Variants in CAP2 observed in about 807,000 individuals in gnomAD.
CAP2 encodes the protein cyclase associated actin cytoskeleton regulatory protein 2, also known as adenylyl cyclase-associated protein 2.
Under a neutral mutation model 57.7 loss-of-function variants are expected in CAP2, and 24 were observed. The observed-to-expected ratio is 0.42, with a 90% CI of 0.30 to 0.58. The LOEUF (loss-of-function observed/expected upper bound fraction) is 0.58, where lower values mean the gene tolerates loss of function less well. Among genes scored for constraint, CAP2 ranks in the 20% least tolerant of loss-of-function variants. The pLI, the probability that CAP2 is intolerant of heterozygous loss-of-function variation, is 0.22. For missense variants in CAP2, 501 were observed against 590.3 expected, an observed-to-expected ratio of 0.85 and a Z score of 1.57; for synonymous variants, 194 against 207.2, an observed-to-expected ratio of 0.94 and a Z score of 0.55.
chr6:17,547,103 A>G (rs1763065276), intron 11 of CAP2, among the ~76,000 whole-genome samples: 1 of 152,336 alleles, frequency 6.6e-6, no homozygotes, highest in Non-Finnish European at 1.5e-5. Flanking sequence ...AGAATAAAAT[A>G]CCTAGGAATC....
intron 4 of CAP2, among the ~76,000 whole-genome samples, chr6:17,468,523 A>C (rs1760932312): frequency 6.6e-6 from 1 of 152,184 alleles, no homozygotes. Context: ...GTTCAGAAGC[A>C]CCTTTCTCAT....
At chr6:17,550,369 G>A (rs554132071) in intron 11 of CAP2, among the ~76,000 whole-genome samples, 32 of 136,162 alleles carry the variant, frequency 2.4e-4, no homozygotes, top group Non-Finnish European at 4.2e-4. Context: ...AGCCCTATGT[G>A]TACCTGACCT....
chr6:17,509,830 A>G (rs185949154), intron 6 of CAP2, among the ~76,000 whole-genome samples: 17 of 152,326 alleles, frequency 1.1e-4, no homozygotes, highest in African/African-American at 4.1e-4. Context: ...TCATCAGCTC[A>G]TGAATGGATA....
chr6:17,458,459 C>A (rs1346061370), intron 3 of CAP2, among the ~76,000 whole-genome samples: 1 of 152,080 alleles, frequency 6.6e-6, no homozygotes, highest in Non-Finnish European at 1.5e-5. Context: ...GGAAAAAATA[C>A]CCTTGGATGA....
At chr6:17,552,564 G>A (rs534389392) in intron 12 of CAP2, among the ~76,000 whole-genome samples, 20 of 152,284 alleles carry the variant, frequency 1.3e-4, no homozygotes, top group African/African-American at 4.6e-4. Context: ...CCCGAGAGGC[G>A]GAGGTTGCAG....
At chr6:17,541,830 G>C (rs557558036) in intron 9 of CAP2, among the ~76,000 whole-genome samples, 7 of 152,302 alleles carry the variant, frequency 4.6e-5, no homozygotes, top group African/African-American at 1.4e-4. Context: ...GGCTAGAGTA[G>C]AAACCAGGGT....
chr6:17,507,415 C>A, intron 5 of CAP2, 103 bp downstream of exon 5: 2 of 1,255,114 alleles, frequency 1.6e-6, no homozygotes, highest in Non-Finnish European at 2.3e-6. Flanking sequence ...CTGAAGGAAG[C>A]TTCTTCCTGG....
Position 17,507,258 on chromosome 6 carries a change from T to A in CAP2, c.390T>A (p.Phe130Leu). The part of the protein sequence containing the change: ...FRERNRGSNM[F>L]NHLSAVSESI... ...AGAGAAACCGGGGGAGTAACATGTT[T>A]AATCATCTTTCGGCCGTCAGCGAAA... The change falls in exon 5 of 13, where the codon TTT becomes TTA. Residue 130 changes from phenylalanine to leucine, a missense_variant. Physicochemically the swap from Phe to Leu is conservative, Grantham distance 22. Transcript: ENST00000229922. The A allele has an allele frequency of 6.2e-7, 1 of 1,614,232 alleles. No homozygotes were observed. The highest frequency in any genetic ancestry group is 8.5e-7 in the Non-Finnish European group (1 of 1,180,022).
At chr6:17,516,247 G>A (rs1465679861) in intron 7 of CAP2, among the ~76,000 whole-genome samples, 1 of 152,044 alleles carries the variant, frequency 6.6e-6, no homozygotes, top group Non-Finnish European at 1.5e-5. Context: ...GTGTGCTTTT[G>A]GGACTCTCCC....
At chr6:17,440,320 T>A (rs950982545) in intron 3 of CAP2, among the ~76,000 whole-genome samples, 1 of 151,600 alleles carries the variant, frequency 6.6e-6, no homozygotes, top group African/African-American at 2.4e-5. Flanking sequence ...TGGTTGTTCG[T>A]ATATGTGAAA....
Position 17,482,465 on chromosome 6 carries a change from C to T in CAP2, c.300+19392C>T, listed in dbSNP as rs972543749. On this transcript the variant is annotated intron_variant, in intron 4 of 12. Transcript: ENST00000229922. ...CAGAAGTTGCAGTAAGCCGAGATCG[C>T]GCCACTGCACTGCAGCCTGGTGAGA... 1.9e-3 allele frequency among the ~76,000 whole-genome samples: 255 copies of T among 136,792 alleles called. 1 individual carries two copies. Among genetic ancestry groups the T allele is most frequent in the African/African-American group, 6.4e-3 (233 of 36,478 alleles). 89.7% of individuals were successfully genotyped at this position (136,792 alleles called of 152,430 possible). A position where few individuals can be genotyped will look rare whatever the true frequency, so the allele number is the denominator to read the frequency against.
At chr6:17,412,904 A>G (rs560975787) in intron 1 of CAP2, among the ~76,000 whole-genome samples, 1 of 152,306 alleles carries the variant, frequency 6.6e-6, no homozygotes, top group South Asian at 2.1e-4. Context: ...CTGATTTGTG[A>G]GACACTGCAA....
chr6:17,468,776 A>G (rs558472781), intron 4 of CAP2, among the ~76,000 whole-genome samples: 1 of 152,328 alleles, frequency 6.6e-6, no homozygotes, highest in African/African-American at 2.4e-5. Context: ...CTATTCATTT[A>G]CTTTTACAGC....
chr6:17,443,831 C>T (rs1006978283), intron 3 of CAP2, among the ~76,000 whole-genome samples: 1 of 152,092 alleles, frequency 6.6e-6, no homozygotes, highest in Admixed American at 6.6e-5. Flanking sequence ...TGTGGTTTAA[C>T]ACTGTTAGTT....
At position 17,539,346 on chromosome 6, in the gene CAP2, G is replaced by C; in HGVS notation, c.714G>C (p.Leu238=). The C allele has an allele frequency of 6.2e-7, 1 of 1,613,912 alleles. No homozygotes were observed. ...GPGLPPPPPP[L]PPPGPPPLFE... is the part of the protein sequence containing the mutation. ...GCCTTCCTCCACCCCCTCCTCCTCT[G>C]CCTCCTCCAGGGCCACCTCCACTTT... Residue 238 remains leucine, a synonymous_variant, in exon 8 of 13, where the codon CTG becomes CTC. Coordinates refer to ENST00000229922, the MANE Select transcript of CAP2 (RefSeq NM_006366.3).
At chr6:17,469,418 G>C (rs1438834548) in intron 4 of CAP2, among the ~76,000 whole-genome samples, 4 of 145,048 alleles carry the variant, frequency 2.8e-5, no homozygotes, top group Non-Finnish European at 4.4e-5. Context: ...GTGTGTGTCT[G>C]TGTGTGTGTG....
At chr6:17,548,609 C>T (rs940929337) in intron 11 of CAP2, among the ~76,000 whole-genome samples, 4 of 152,110 alleles carry the variant, frequency 2.6e-5, no homozygotes, top group African/African-American at 9.7e-5. Context: ...AAAATCTCAA[C>T]AGAGTTTTAA....
intron 11 of CAP2, among the ~76,000 whole-genome samples, chr6:17,545,055 G>A (rs1031314445): frequency 2.0e-5 from 3 of 152,164 alleles, no homozygotes; most frequent in Non-Finnish European, 4.4e-5. Context: ...CCTATGTAAA[G>A]AAACATGCTT....
rs575818316 is a variant in CAP2 at position 17,523,935 on chromosome 6, G to A, written c.636+9981G>A. Among the ~76,000 whole-genome samples, 20 of 152,216 alleles carry A rather than the reference G, an allele frequency of 1.3e-4. No individual in the cohort carries two copies. In the South Asian group the frequency reaches 2.7e-3, roughly 21 times the overall value. ...CTAAAAATACAAAAATTAGCTGGGC[G>A]TGGTGACGCATGCCTGTAGTCCCAG... is the stretch of plus-strand genomic sequence containing the variant. On this transcript the variant is annotated intron_variant, in intron 7 of 12. Transcript: ENST00000229922.
Sources: allele counts gnomAD v4.1 joint callset (sites outside exome capture counted in the v4.1 genomes callset), GRCh38; gene constraint gnomAD v4.1.1; transcripts MANE v1.5; gene names NCBI Gene and HGNC (gene_info 2026-07-23, HGNC 2026-07-21).